The following LPP variants were observed in gnomAD, a reference collection of about 807,000 sequenced individuals.
LPP encodes the protein lipoma-preferred partner.
Under a neutral mutation model 60.4 loss-of-function variants are expected in LPP, and 38 were observed. The ratio of observed to expected loss-of-function variants is 0.63; its 90% CI spans 0.49 to 0.83. The LOEUF (loss-of-function observed/expected upper bound fraction) is 0.83, where lower values mean the gene tolerates loss of function less well. LPP is among the 40% of genes least tolerant of loss of function. LPP has a pLI of 0.00. For missense variants in LPP, 902 were observed against 783.6 expected, an observed-to-expected ratio of 1.15 and a Z score of -1.80; for synonymous variants, 328 against 290.8, an observed-to-expected ratio of 1.13 and a Z score of -1.30.
intron 6 of LPP, among the ~76,000 whole-genome samples, chr3:188,575,517 A>G (rs1005241342): frequency 1.2e-4 from 19 of 152,312 alleles, no homozygotes; most frequent in African/African-American, 4.6e-4. Context: ...GAAATGGTAC[A>G]GCTAGTACGT....
intron 8 of LPP, among the ~76,000 whole-genome samples, chr3:188,742,937 T>C (rs142704428): frequency 2.2e-4 from 34 of 152,292 alleles, no homozygotes; most frequent in African/African-American, 7.9e-4. Flanking sequence ...TTGTTGCAAG[T>C]CACAGTGAGT....
intron 6 of LPP, among the ~76,000 whole-genome samples, chr3:188,569,412 T>A (rs919325251): frequency 6.6e-6 from 1 of 151,976 alleles, no homozygotes; most frequent in East Asian, 1.9e-4. Context: ...TAGAAGTATG[T>A]CATCTGTATT....
chr3:188,220,745 A>G (rs2149282308), intron 1 of LPP, among the ~76,000 whole-genome samples: 1 of 152,122 alleles, frequency 6.6e-6, no homozygotes, highest in East Asian at 1.9e-4. Flanking sequence ...GGAACGTGAA[A>G]CTTTGTTTCT....
intron 6 of LPP, chr3:188,569,172 T>C (rs997940503): frequency 1.3e-5 from 2 of 151,724 alleles, no homozygotes; most frequent in African/African-American, 4.8e-5. Flanking sequence ...ATAATAATAA[T>C]AATAATAAAT....
At chr3:188,241,353 C>T (rs1192811145) in intron 2 of LPP, among the ~76,000 whole-genome samples, 1 of 152,212 alleles carries the variant, frequency 6.6e-6, no homozygotes, top group Non-Finnish European at 1.5e-5. Context: ...ACACCCTCGG[C>T]AGCCTGCTGT....
intron 4 of LPP, among the ~76,000 whole-genome samples, chr3:188,434,240 T>C (rs1791746123): frequency 6.6e-6 from 1 of 152,216 alleles, no homozygotes; most frequent in South Asian, 2.1e-4. Flanking sequence ...CAAGAGCGTA[T>C]ATATGTACAT....
intron 5 of LPP, among the ~76,000 whole-genome samples, chr3:188,498,168 C>T (rs1810797691): frequency 6.6e-6 from 1 of 151,878 alleles, no homozygotes; most frequent in Non-Finnish European, 1.5e-5. Context: ...TTTTCCCCCC[C>T]AGCTTGTAAA....
chr3:188,527,632 T>G (rs1180878243), intron 6 of LPP, among the ~76,000 whole-genome samples: 1 of 152,206 alleles, frequency 6.6e-6, no homozygotes, highest in Non-Finnish European at 1.5e-5. Context: ...TTCAGCAATT[T>G]TTTTTGATTC....
At chr3:188,602,441 G>T (rs189772707) in intron 6 of LPP, among the ~76,000 whole-genome samples, 1 of 151,506 alleles carries the variant, frequency 6.6e-6, no homozygotes, top group African/African-American at 2.4e-5. Context: ...ACTGAAATAG[G>T]TTAGCTGTGT....
rs755437078 is a variant in LPP at position 188,874,515 on chromosome 3, G to A, written c.*36G>A. 13 of 1,599,234 alleles carry A rather than the reference G, an allele frequency of 8.1e-6. No individual in the cohort carries two copies. Among genetic ancestry groups the A allele is most frequent in the African/African-American group, 4.0e-5 (3 of 74,568 alleles). Reference sequence around the variant, plus strand: ...CTGTTCAGCCGGCACTGAGAAGAACGAACACAAGAAAAAGATAAGAAATAC... The same window carrying A: ...CTGTTCAGCCGGCACTGAGAAGAACAAACACAAGAAAAAGATAAGAAATAC... On this transcript the variant is annotated 3_prime_UTR_variant, in exon 12 of 12. Coordinates refer to ENST00000617246, the MANE Select transcript of LPP (RefSeq NM_001375462.1).
intron 5 of LPP, among the ~76,000 whole-genome samples, chr3:188,503,492 A>T (rs974063678): frequency 6.6e-6 from 1 of 152,140 alleles, no homozygotes; most frequent in Non-Finnish European, 1.5e-5. Flanking sequence ...AGCTCTTATA[A>T]GCGTCTGCCT....
At chr3:188,624,565 C>G (rs574719107) in intron 7 of LPP, among the ~76,000 whole-genome samples, 1 of 152,148 alleles carries the variant, frequency 6.6e-6, no homozygotes, top group Admixed American at 6.5e-5. Context: ...CATGGAAGTG[C>G]GAACCTGATC....
At chr3:188,439,386 A>G (rs1195640529) in intron 4 of LPP, among the ~76,000 whole-genome samples, 1 of 152,260 alleles carries the variant, frequency 6.6e-6, no homozygotes, top group East Asian at 1.9e-4. Context: ...TAGAAAATAC[A>G]GCTTTTGTAT....
chr3:188,280,033 G>T (rs1399537243), intron 2 of LPP, among the ~76,000 whole-genome samples: 1 of 152,172 alleles, frequency 6.6e-6, no homozygotes, highest in African/African-American at 2.4e-5. Context: ...GTGGAGTGAG[G>T]TGTGTAAGTA....
At chr3:188,636,691 C>A (rs530020359) in intron 7 of LPP, among the ~76,000 whole-genome samples, 1 of 152,156 alleles carries the variant, frequency 6.6e-6, no homozygotes, top group African/African-American at 2.4e-5. Flanking sequence ...GTGGTTCTCC[C>A]AGCACGCAGC....
chr3:188,320,912 G>T (rs1432317364), intron 2 of LPP, among the ~76,000 whole-genome samples: 1 of 152,184 alleles, frequency 6.6e-6, no homozygotes, highest in African/African-American at 2.4e-5. Context: ...TCCTGTGTGT[G>T]ATGAATCAGT....
intron 8 of LPP, among the ~76,000 whole-genome samples, chr3:188,745,845 C>G (rs2150239675): frequency 6.6e-6 from 1 of 152,196 alleles, no homozygotes; most frequent in East Asian, 1.9e-4. Context: ...ACTTTGAAAG[C>G]CTCTAATTCT....
At position 188,466,117 on chromosome 3, in the gene LPP, A is replaced by C. The variant is rs79800032; in HGVS notation, c.194-18475A>C. 1.2e-3 allele frequency among the ~76,000 whole-genome samples: 184 copies of C among 152,234 alleles called. 1 individual carries two copies. The highest frequency in any genetic ancestry group is 4.3e-3 in the African/African-American group (177 of 41,546). On this transcript the variant is annotated intron_variant, in intron 4 of 11. Coordinates refer to ENST00000617246, the MANE Select transcript of LPP (RefSeq NM_001375462.1). ...TGACTACTCATTTGTCATATGGAAA[A>C]TCATGGCTCAATAGTTCAGTAGAAT...
intron 2 of LPP, among the ~76,000 whole-genome samples, chr3:188,234,917 T>C (rs1293128957): frequency 6.6e-6 from 1 of 152,202 alleles, no homozygotes; most frequent in Admixed American, 6.5e-5. Context: ...ATGAATCCAT[T>C]AGATCTCCTG....
Sources: allele counts gnomAD v4.1 joint callset (sites outside exome capture counted in the v4.1 genomes callset), GRCh38; gene constraint gnomAD v4.1.1; transcripts MANE v1.5; gene names NCBI Gene and HGNC (gene_info 2026-07-23, HGNC 2026-07-21).